SPG11: variants seen among roughly 807,000 people sequenced by gnomAD.
SPG11 encodes spatacsin.
SPG11 carries 222 observed loss-of-function variants against 274.0 expected under a neutral mutation model. That is an observed-to-expected ratio of 0.81 (90% CI 0.73 to 0.91). The LOEUF (loss-of-function observed/expected upper bound fraction) is 0.91, where lower values mean the gene tolerates loss of function less well. SPG11 is among the 40% of genes least tolerant of loss of function. SPG11 has a pLI of 0.00. For synonymous variants in SPG11, 1,144 were observed against 1,039.7 expected, an observed-to-expected ratio of 1.10 and a Z score of -1.93; for missense variants, 3,114 against 2,872.7, an observed-to-expected ratio of 1.08 and a Z score of -1.92.
In SPG11 at chr15:44,583,804, C is replaced by T. The variant is rs375944318; in HGVS notation, c.5866+10G>A. On this transcript the variant is annotated intron_variant, in intron 30 of 39. Transcript: ENST00000261866. The stretch of plus-strand genomic sequence containing the variant: ...TTAAGACTCTGGGCCATCTGATCTC[C>T]TTCACTTACTGCTGTGGACTCTCCT... 1.2e-5 allele frequency: 20 copies of T among 1,614,020 alleles called. No homozygotes were observed. The Admixed American group carries it at 2.3e-4, about 19-fold the overall frequency.
chr15:44,626,294 A>G lies in SPG11; in HGVS notation c.2244+37T>C, dbSNP rs183463544. On this transcript the variant is annotated intron_variant, in intron 11 of 39. Coordinates refer to ENST00000261866, the MANE Select transcript of SPG11 (RefSeq NM_025137.4). ...TTTTATAATAACTAGAAATTATATT[A>G]AATACATTTTAAGACTTTATGGATT... 2.5e-5 allele frequency: 39 copies of G among 1,532,068 alleles called. No homozygotes were observed. In the South Asian group the frequency reaches 4.7e-4, roughly 19 times the overall value. 94.9% of individuals were successfully genotyped at this position (1,532,068 alleles called of 1,614,324 possible). A position where few individuals can be genotyped will look rare whatever the true frequency, so the allele number is the denominator to read the frequency against.
intron 31 of SPG11, 192 bp from the exon 32 acceptor site, chr15:44,573,937 A>G: frequency 1.6e-6 from 1 of 616,710 alleles, no homozygotes; most frequent in Non-Finnish European, 2.9e-6. Context: ...AGCCAAATCC[A>G]GGTAAAAGAA....
At chr15:44,621,694 C>A in intron 14 of SPG11, 65 bp downstream of exon 14, 1 of 1,468,668 alleles carries the variant, frequency 6.8e-7, no homozygotes, top group South Asian at 1.1e-5. Flanking sequence ...TCAAAATATT[C>A]AAATATCAAT....
chr15:44,596,092 T>C lies in SPG11; in HGVS notation c.4425A>G (p.Ser1475=). The C allele has an allele frequency of 1.2e-6, 2 of 1,613,416 alleles. No homozygotes were observed. The highest frequency in any genetic ancestry group is 1.1e-5 in the South Asian group (1 of 91,052). ...TTCTCATGATCCTCACCTGGAGACA[T>C]GAGGCCAGAACACTGAGGATAGGGG... ...QQAPILSVLA[S]CLQGASAISC... Residue 1475 remains serine, a synonymous_variant, in exon 25 of 40, where the codon TCA becomes TCG. Transcript: ENST00000261866.
intron 6 of SPG11, among the ~76,000 whole-genome samples, chr15:44,650,406 C>A (rs1595925346): frequency 2.0e-5 from 3 of 152,164 alleles, no homozygotes; most frequent in African/African-American, 7.2e-5. Context: ...GTAATCCCAA[C>A]ACTTTGGGAG....
At chr15:44,659,047 G>C (rs375102370) in intron 3 of SPG11, 32 bp downstream of exon 3, 3 of 1,595,794 alleles carry the variant, frequency 1.9e-6, no homozygotes, top group South Asian at 2.2e-5. Context: ...TCTCCTCTAC[G>C]TATCAATCAA....
intron 14 of SPG11, 34 bp from the exon 15 acceptor site, chr15:44,620,437 T>A: frequency 7.0e-7 from 1 of 1,434,000 alleles, no homozygotes; most frequent in Non-Finnish European, 9.7e-7. Context: ...AAAATATAAT[T>A]AATTATGTCT....
At chr15:44,619,406 A>AT (rs780396709) in intron 15 of SPG11, among the ~76,000 whole-genome samples, 5 of 152,224 alleles carry the variant, frequency 3.3e-5, no homozygotes, top group Non-Finnish European at 5.9e-5. Flanking sequence ...GCAAGTTCAT[A>AT]TGGTTCAATT....
At chr15:44,646,328 G>T (rs759232314) in intron 7 of SPG11, among the ~76,000 whole-genome samples, 2 of 152,174 alleles carry the variant, frequency 1.3e-5, no homozygotes, top group African/African-American at 4.8e-5. Flanking sequence ...AGGTTTAATT[G>T]ACTCACAGTT....
At chr15:44,594,284 G>C (rs1595857666) in intron 26 of SPG11, among the ~76,000 whole-genome samples, 1 of 151,482 alleles carries the variant, frequency 6.6e-6, no homozygotes, top group Admixed American at 6.6e-5. Flanking sequence ...AAATTAGCTG[G>C]GCGTGGTGGC....
intron 34 of SPG11, 47 bp from the exon 35 acceptor site, chr15:44,569,552 A>T: frequency 1.4e-6 from 2 of 1,407,346 alleles, no homozygotes; most frequent in Non-Finnish European, 2.0e-6. Context: ...TGGAGTCTGG[A>T]GTTCTCTGAG....
At chr15:44,633,771 G>A in intron 7 of SPG11, 134 bp from the exon 8 acceptor site, 1 of 835,558 alleles carries the variant, frequency 1.2e-6, no homozygotes, top group Non-Finnish European at 1.9e-6. Context: ...TGAGTACATG[G>A]GCTCCAGTGA....
At chr15:44,660,744 A>T (rs1405752216) in intron 1 of SPG11, 128 bp from the exon 2 acceptor site, 2 of 845,674 alleles carry the variant, frequency 2.4e-6, no homozygotes, top group Non-Finnish European at 3.8e-6. Flanking sequence ...TCTACACTTC[A>T]ATCTAAGAGA....
chr15:44,616,496 C>A (rs1047170823), intron 15 of SPG11, among the ~76,000 whole-genome samples: 3 of 152,072 alleles, frequency 2.0e-5, no homozygotes, highest in East Asian at 1.9e-4. Context: ...CTGTGTCTGG[C>A]CTTTTTACTT....
chr15:44,615,604 G>T (rs1222832631), intron 15 of SPG11, 38 bp from the exon 16 acceptor site: 2 of 1,595,202 alleles, frequency 1.3e-6, no homozygotes, highest in African/African-American at 2.7e-5. Context: ...TTAAAAAGTT[G>T]CTATGTTCAG....
intron 31 of SPG11, 37 bp from the exon 32 acceptor site, chr15:44,573,782 G>A: frequency 6.2e-7 from 1 of 1,609,638 alleles, no homozygotes; most frequent in East Asian, 2.2e-5. Flanking sequence ...GCCACTTTTA[G>A]AAGCCAGGAA....
At chr15:44,639,575 C>T (rs988505645) in intron 7 of SPG11, among the ~76,000 whole-genome samples, 13 of 151,974 alleles carry the variant, frequency 8.6e-5, no homozygotes, top group African/African-American at 3.1e-4. Flanking sequence ...TGGTGGTGTG[C>T]AACCGTAGTC....
At chr15:44,638,162 T>A (rs993002968) in intron 7 of SPG11, among the ~76,000 whole-genome samples, 1 of 152,156 alleles carries the variant, frequency 6.6e-6, no homozygotes. Flanking sequence ...AAACAATTAG[T>A]TATTAACTGT....
intron 20 of SPG11, among the ~76,000 whole-genome samples, chr15:44,603,688 T>C (rs1375036800): frequency 6.6e-6 from 1 of 152,222 alleles, no homozygotes; most frequent in Non-Finnish European, 1.5e-5. Flanking sequence ...AACCCTTGGA[T>C]ACCAAAATCC....
Sources: allele counts gnomAD v4.1 joint callset (sites outside exome capture counted in the v4.1 genomes callset), GRCh38; gene constraint gnomAD v4.1.1; transcripts MANE v1.5; gene names NCBI Gene and HGNC (gene_info 2026-07-23, HGNC 2026-07-21).